NIPBL: variants seen among roughly 807,000 people sequenced by gnomAD.
NIPBL encodes the protein nipped-B-like protein.
In NIPBL, 19 loss-of-function variants were observed where a neutral mutation model predicts 321.8. That is an observed-to-expected ratio of 0.06 (90% CI 0.04 to 0.09). NIPBL has a LOEUF of 0.09. Ranked by LOEUF, NIPBL falls within the 10% of genes least tolerant of loss-of-function variation. The pLI is 1.00. For synonymous variants in NIPBL, 1,106 were observed against 1,114.1 expected (o/e 0.99, Z 0.14); for missense variants, 2,210 against 3,327.0 (o/e 0.66, Z 8.26).
chr5:36,886,577 C>G (rs775856996), intron 1 of NIPBL: 5 of 587,564 alleles, frequency 8.5e-6, no homozygotes, highest in Non-Finnish European at 1.5e-5. Flanking sequence ...ATAGGCTATT[C>G]AGTTAAAATA....
intron 10 of NIPBL, among the ~76,000 whole-genome samples, chr5:36,989,525 G>A (rs1372014492): frequency 6.6e-6 from 1 of 152,090 alleles, no homozygotes; most frequent in Non-Finnish European, 1.5e-5. Context: ...TTACCCTAAT[G>A]TATAGTGTCT....
At chr5:36,951,535 G>A (rs926027914) in intron 1 of NIPBL, among the ~76,000 whole-genome samples, 1 of 152,100 alleles carries the variant, frequency 6.6e-6, no homozygotes, top group Admixed American at 6.5e-5. Flanking sequence ...TTTCTTATTA[G>A]CATAAATTTA....
Position 36,962,266 on chromosome 5 carries a change from T to C in NIPBL, c.602T>C (p.Met201Thr), listed in dbSNP as rs774838495. Reference sequence around the variant, plus strand: ...TCAAGTTACACAACACATCCACAGATGCAACAAGGTAAGAAAGTTGTTTGT... The same window carrying C: ...TCAAGTTACACAACACATCCACAGACGCAACAAGGTAAGAAAGTTGTTTGT... ...HPSSYTTHPQ[M>T]QQASVSSPIV... Residue 201 changes from methionine (M) to threonine (T), a missense_variant, in exon 6 of 47, where the codon ATG becomes ACG. Around this residue, in one of 14 missense-constraint regions of NIPBL, gnomAD observed 464 missense variants for 529.5 expected, o/e 0.88. Coordinates refer to ENST00000282516, the MANE Select transcript of NIPBL (RefSeq NM_133433.4). 1.2e-6 allele frequency: 2 copies of C among 1,614,078 alleles called. No individual in the cohort carries two copies. Among genetic ancestry groups the C allele is most frequent in the Non-Finnish European group, 1.7e-6 (2 of 1,179,952 alleles).
intron 32 of NIPBL, among the ~76,000 whole-genome samples, chr5:37,030,345 A>G (rs1041574151): frequency 7.2e-5 from 11 of 152,174 alleles, no homozygotes; most frequent in Non-Finnish European, 1.5e-4. Context: ...TCCTTATACT[A>G]GCAGAGTTTG....
At chr5:36,928,934 G>C (rs1019000194) in intron 1 of NIPBL, among the ~76,000 whole-genome samples, 1 of 152,062 alleles carries the variant, frequency 6.6e-6, no homozygotes, top group Non-Finnish European at 1.5e-5. Context: ...ATAATTTCCA[G>C]TTTTTTACTT....
chr5:37,038,051 G>A (rs895761368), intron 33 of NIPBL, among the ~76,000 whole-genome samples: 13 of 143,746 alleles, frequency 9.0e-5, no homozygotes, highest in East Asian at 2.1e-4. Context: ...GTGTAGTGGC[G>A]CAATCATAGC....
chr5:37,052,250 A>G (rs1156701954), intron 41 of NIPBL, 116 bp from the exon 42 acceptor site: 3 of 790,770 alleles, frequency 3.8e-6, no homozygotes, highest in Non-Finnish European at 6.4e-6. Context: ...TGTGATTCGT[A>G]TTATTTTAAT....
chr5:36,977,196 A>G (rs1012710109), intron 9 of NIPBL, among the ~76,000 whole-genome samples: 2 of 152,118 alleles, frequency 1.3e-5, no homozygotes, highest in Non-Finnish European at 2.9e-5. Context: ...TGATTGCTAT[A>G]TAAATGCATA....
intron 10 of NIPBL, 55 bp from the exon 11 acceptor site, chr5:36,995,567 T>A (rs1209226830): frequency 3.2e-6 from 4 of 1,250,188 alleles, no homozygotes; most frequent in African/African-American, 3.0e-5. Context: ...TAGTTAAAAT[T>A]TTCCTTTTAT....
rs573391750 is a variant in NIPBL, at chr5:37,023,188, A to G, written c.5574+798A>G. ...ACTAGGCATAAATCTTGGTTGAGAA[A>G]CAAATAATTTAAAGAAAAGCTGGAA... On this transcript the variant is annotated intron_variant, in intron 29 of 46. Coordinates refer to ENST00000282516, the MANE Select transcript of NIPBL (RefSeq NM_133433.4). 8.5e-5 allele frequency among the ~76,000 whole-genome samples: 13 copies of G among 152,346 alleles called. No homozygotes were observed. In the South Asian group the frequency reaches 2.5e-3, roughly 29 times the overall value.
rs779828912 is a variant in NIPBL, at chr5:37,010,854, T to C, written c.4560+629T>C. Among the ~76,000 whole-genome samples the C allele has an allele frequency of 3.3e-5, 5 of 152,218 alleles. No homozygotes were observed. The South Asian group carries it at 6.2e-4, about 19-fold the overall frequency. On this transcript the variant is annotated intron_variant, in intron 21 of 46. Transcript: ENST00000282516. ...ATGTGAAAGTGAATAATACAATATG[T>C]AATATATATGCATGTTGAGTATCCC...
At chr5:37,043,328 G>GACCA (rs200184487) in intron 34 of NIPBL, among the ~76,000 whole-genome samples, 5,069 of 152,182 alleles carry the variant, frequency 0.033, 116 homozygotes, top group Non-Finnish European at 0.053. Context: ...GTGAGTCCTA[G>GACCA]ACCAGCCTGG....
At chr5:36,925,329 C>T (rs60643425) in intron 1 of NIPBL, among the ~76,000 whole-genome samples, 17,430 of 149,948 alleles carry the variant, frequency 0.12, 1,094 homozygotes, top group Admixed American at 0.18. Flanking sequence ...TGTGCAATGG[C>T]GTGATCTCGG....
At chr5:36,906,497 T>C (rs1747649024) in intron 1 of NIPBL, among the ~76,000 whole-genome samples, 1 of 152,192 alleles carries the variant, frequency 6.6e-6, no homozygotes, top group Admixed American at 6.5e-5. Flanking sequence ...TGTCCTTTTT[T>C]CTATCAAACT....
At chr5:37,064,406 G>T in intron 46 of NIPBL, 121 bp from the exon 47 acceptor site, 1 of 1,550,924 alleles carries the variant, frequency 6.4e-7, no homozygotes, top group Admixed American at 1.9e-5. Flanking sequence ...TGCCGGCAAT[G>T]GAAGTGTGCC....
chr5:37,018,822 G>T (rs1369636998), intron 24 of NIPBL, among the ~76,000 whole-genome samples: 1 of 151,972 alleles, frequency 6.6e-6, no homozygotes, highest in Non-Finnish European at 1.5e-5. Context: ...AATGACATAT[G>T]GTTCATAAAA....
intron 1 of NIPBL, among the ~76,000 whole-genome samples, chr5:36,922,883 C>T (rs1195895054): frequency 6.6e-6 from 1 of 152,064 alleles, no homozygotes; most frequent in East Asian, 1.9e-4. Flanking sequence ...CTGATTTGAA[C>T]TACAGATTTC....
intron 21 of NIPBL, among the ~76,000 whole-genome samples, chr5:37,011,361 G>A (rs1206999814): frequency 6.6e-6 from 1 of 152,148 alleles, no homozygotes; most frequent in African/African-American, 2.4e-5. Context: ...TTCAAGACCA[G>A]TTGGGCAACA....
intron 1 of NIPBL, among the ~76,000 whole-genome samples, chr5:36,923,322 A>G (rs939952110): frequency 6.6e-6 from 1 of 151,998 alleles, no homozygotes; most frequent in South Asian, 2.1e-4. Flanking sequence ...AAAAACAAAA[A>G]CAAACAACAA....
Sources: allele counts gnomAD v4.1 joint callset (sites outside exome capture counted in the v4.1 genomes callset), GRCh38; gene constraint gnomAD v4.1.1; regional missense constraint gnomAD v4.1.1; transcripts MANE v1.5; gene names NCBI Gene and HGNC (gene_info 2026-07-23, HGNC 2026-07-21).